NEMF: variants seen among roughly 807,000 people sequenced by gnomAD.
The protein encoded by NEMF is nuclear export mediator factor, also known as ribosome quality control complex subunit NEMF.
In NEMF, 89 loss-of-function variants were observed where a neutral mutation model predicts 162.2. The observed-to-expected ratio is 0.55, with a 90% CI of 0.46 to 0.65. The LOEUF (loss-of-function observed/expected upper bound fraction) is 0.65, where lower values mean the gene tolerates loss of function less well. Among genes scored for constraint, NEMF ranks in the 30% least tolerant of loss-of-function variants. NEMF has a pLI of 0.00. For synonymous variants in NEMF, 421 were observed against 404.5 expected (o/e 1.04, Z -0.49); for missense variants, 1,133 against 1,261.9 (o/e 0.90, Z 1.55).
chr14:49,784,806 G>T, intron 32 of NEMF, 93 bp from the exon 33 acceptor site: 1 of 1,412,468 alleles, frequency 7.1e-7, no homozygotes, highest in Non-Finnish European at 9.9e-7. Flanking sequence ...CAAACTTTTA[G>T]CTGAGATGGT....
chr14:49,822,638 TG>T (rs749418795), intron 16 of NEMF, among the ~76,000 whole-genome samples: 27 of 125,870 alleles, frequency 2.1e-4, no homozygotes, highest in Non-Finnish European at 3.8e-4. Flanking sequence ...GAGATCAGCC[TG>T]GCCAACACTG....
At chr14:49,833,623 T>G (rs1238819753) in intron 7 of NEMF, 127 bp from the exon 8 acceptor site, 3 of 533,848 alleles carry the variant, frequency 5.6e-6, no homozygotes, top group Admixed American at 6.1e-5. Flanking sequence ...AAATTAGAGA[T>G]AGTGATTTCA....
chr14:49,852,310 G>A (rs1458132497), intron 1 of NEMF, among the ~76,000 whole-genome samples: 6 of 152,130 alleles, frequency 3.9e-5, no homozygotes, highest in African/African-American at 1.4e-4. Context: ...TCTCTCTCTG[G>A]GGTGAGGGGA....
intron 4 of NEMF, among the ~76,000 whole-genome samples, chr14:49,841,825 G>A (rs1345428974): frequency 3.9e-5 from 6 of 152,250 alleles, no homozygotes; most frequent in Middle Eastern, 3.4e-3. Context: ...TCACTGAATG[G>A]CTGGGCGCAG....
intron 3 of NEMF, among the ~76,000 whole-genome samples, chr14:49,848,594 TG>T (rs1260633462): frequency 1.3e-5 from 2 of 152,118 alleles, no homozygotes; most frequent in African/African-American, 4.8e-5. Flanking sequence ...CCCAGCACTC[TG>T]GGAGGCCGAG....
In NEMF at chr14:49,798,668, G is replaced by A. The variant is rs899082389; in HGVS notation, c.2465+807C>T. Reference sequence around the variant, plus strand: ...TTATGCCTATAATCCCAGCACTTTCGGAGGCCAAAGCGGGTGATCACGAGG... The same window carrying A: ...TTATGCCTATAATCCCAGCACTTTCAGAGGCCAAAGCGGGTGATCACGAGG... On this transcript the variant is annotated intron_variant, in intron 25 of 32. Coordinates refer to ENST00000298310, the MANE Select transcript of NEMF (RefSeq NM_004713.6). 5.3e-5 allele frequency among the ~76,000 whole-genome samples: 8 copies of A among 152,132 alleles called. No individual in the cohort carries two copies. In the South Asian group the frequency reaches 1.0e-3, roughly 20 times the overall value.
chr14:49,822,377 C>T (rs1300727319), intron 16 of NEMF, among the ~76,000 whole-genome samples: 5 of 150,372 alleles, frequency 3.3e-5, no homozygotes, highest in East Asian at 1.9e-4. Flanking sequence ...AAAAGTTAGC[C>T]GGGCATGGTG....
Position 49,784,989 on chromosome 14 carries a change from A to G in NEMF, c.3089T>C (p.Leu1030Ser). 6.2e-7 allele frequency: 1 copy of G among 1,613,916 alleles called. No homozygotes were observed. Among genetic ancestry groups the G allele is most frequent in the Non-Finnish European group, 8.5e-7 (1 of 1,179,872 alleles). ...QKKGKAAKTA[L>S]NSFMHSKEAT... ...TTCTTTGGAATGCATGAAACTATTC[A>G]AGGCTGTTTTTGCAGCTGTAAATAC... Residue 1030 changes from leucine (L) to serine (S), a missense_variant, in exon 32 of 33, where the codon TTG becomes TCG. Transcript: ENST00000298310.
chr14:49,784,786 A>G (rs1890081908), intron 32 of NEMF, 73 bp from the exon 33 acceptor site: 3 of 1,474,176 alleles, frequency 2.0e-6, no homozygotes, highest in Non-Finnish European at 2.8e-6. Flanking sequence ...ACAAAAACGA[A>G]AAACATTTCC....
intron 18 of NEMF, among the ~76,000 whole-genome samples, chr14:49,807,479 T>C (rs1891269946): frequency 6.6e-6 from 1 of 152,192 alleles, no homozygotes; most frequent in Non-Finnish European, 1.5e-5. Context: ...TGTATCATTG[T>C]CCATTCCTAC....
In NEMF at chr14:49,783,567, A is replaced by G. The variant is rs1013964919; in HGVS notation, c.*1069T>C. On this transcript the variant is annotated 3_prime_UTR_variant, in exon 33 of 33. Transcript: ENST00000298310. ...AATTAATAGGTTTTATAGCTCATGA[A>G]GGAATGGAAATAATGATGACATCAT... 2 of 152,176 alleles carry G rather than the reference A, an allele frequency of 1.3e-5. No homozygotes were observed. The highest frequency in any genetic ancestry group is 2.9e-5 in the Non-Finnish European group (2 of 68,044). The allele number at this position is 152,176 out of a possible 1,614,324, so 9.4% of individuals were successfully genotyped here.
At position 49,795,779 on chromosome 14, in the gene NEMF, C is replaced by T. The variant is rs369752274; in HGVS notation, c.2619+12G>A. The T allele has an allele frequency of 6.3e-5, 101 of 1,603,484 alleles. No individual in the cohort carries two copies. In the African/African-American group the frequency reaches 1.2e-3, roughly 20 times the overall value. ...ATTAACTGTGAACCATATAGATCAT[C>T]CTGAAGTTTACCTTTTGTCCTCGTT... On this transcript the variant is annotated intron_variant, in intron 26 of 32. Coordinates refer to ENST00000298310, the MANE Select transcript of NEMF (RefSeq NM_004713.6).
chr14:49,788,904 T>G (rs7150249), intron 28 of NEMF, among the ~76,000 whole-genome samples: 151,149 of 152,256 alleles, frequency 0.99, 75,034 homozygotes, highest in Middle Eastern at 1. Flanking sequence ...AAGCCTCTCC[T>G]TAAAACTGAT....
At chr14:49,841,296 C>T (rs1893194889) in intron 4 of NEMF, among the ~76,000 whole-genome samples, 1 of 151,252 alleles carries the variant, frequency 6.6e-6, no homozygotes, top group African/African-American at 2.4e-5. Flanking sequence ...AGAAAGAAGC[C>T]GGGCATGGTG....
At chr14:49,806,257 T>TATATATATATATATATATATATATATATA (rs1491450902) in intron 18 of NEMF, 124 bp from the exon 19 acceptor site, 3 of 17,430 alleles carry the variant, frequency 1.7e-4, no homozygotes, top group African/African-American at 2.2e-4. Context: ...TATATATATA[T>TATATATATATATATATATATATATATATA]TTTTTTTTTT....
chr14:49,832,025 G>A, intron 10 of NEMF, 26 bp downstream of exon 10: 2 of 1,521,216 alleles, frequency 1.3e-6, no homozygotes, highest in South Asian at 2.4e-5. Flanking sequence ...TAACTAACTG[G>A]TAAAGGAACA....
At chr14:49,813,859 T>C (rs3126194) in intron 18 of NEMF, 129 bp downstream of exon 18, 620,267 of 621,512 alleles carry the variant, frequency 1, 309,524 homozygotes, top group East Asian at 1. Flanking sequence ...ACACTTCAGC[T>C]TCCCAAAGTG....
rs566489039 is a variant in NEMF, at chr14:49,782,091, G to A, written c.*2545C>T. On this transcript the variant is annotated 3_prime_UTR_variant, in exon 33 of 33. Transcript: ENST00000298310. The stretch of plus-strand genomic sequence containing the variant: ...GGCATATACTACTCAGCTCCCATAC[G>A]ATTTTTATTGCTAACAAAGACCTAG... 6 of 369,600 alleles carry A rather than the reference G, an allele frequency of 1.6e-5. No homozygotes were observed. Among genetic ancestry groups the A allele is most frequent in the East Asian group, 4.4e-5 (1 of 22,646 alleles). 22.9% of individuals were successfully genotyped at this position (369,600 alleles called of 1,614,324 possible).
At chr14:49,842,931 G>A (rs181970442) in intron 4 of NEMF, among the ~76,000 whole-genome samples, 10 of 151,006 alleles carry the variant, frequency 6.6e-5, no homozygotes, top group East Asian at 2.0e-4. Flanking sequence ...GCTTGAACCC[G>A]GGAGGCGGAG....
Sources: allele counts gnomAD v4.1 joint callset (sites outside exome capture counted in the v4.1 genomes callset), GRCh38; gene constraint gnomAD v4.1.1; transcripts MANE v1.5; gene names NCBI Gene and HGNC (gene_info 2026-07-23, HGNC 2026-07-21).